The following NARS2 variants were observed in gnomAD, a reference collection of about 807,000 sequenced individuals.
NARS2 encodes the protein asparaginyl-tRNA synthetase.
NARS2 carries 60 observed loss-of-function variants against 62.9 expected under a neutral mutation model. That is an observed-to-expected ratio of 0.95 (90% CI 0.77 to 1.18). NARS2 has a LOEUF of 1.18. Among genes scored for constraint, NARS2 ranks in the 50% most tolerant of loss-of-function variants. The pLI is 0.00. For missense variants in NARS2, 619 were observed against 576.4 expected (o/e 1.07, Z -0.76); for synonymous variants, 196 against 200.0 (o/e 0.98, Z 0.17).
chr11:78,523,653 C>T (rs1202191683), intron 6 of NARS2, among the ~76,000 whole-genome samples: 4 of 152,206 alleles, frequency 2.6e-5, no homozygotes, highest in African/African-American at 9.7e-5. Flanking sequence ...AGTACTGATA[C>T]ATGCTGCAAG....
intron 6 of NARS2, among the ~76,000 whole-genome samples, chr11:78,508,081 A>G (rs192502100): frequency 6.6e-6 from 1 of 152,336 alleles, no homozygotes; most frequent in Non-Finnish European, 1.5e-5. Flanking sequence ...CTGCAGCTGA[A>G]AAGTATAATT....
At chr11:78,569,683 T>C (rs750639933) in intron 2 of NARS2, among the ~76,000 whole-genome samples, 3 of 152,222 alleles carry the variant, frequency 2.0e-5, no homozygotes, top group African/African-American at 4.8e-5. Flanking sequence ...AAATCTGGTA[T>C]ACTTTCATCA....
intron 1 of NARS2, 190 bp from the exon 2 acceptor site, chr11:78,571,634 TTCTA>T (rs910680349): frequency 5.6e-5 from 27 of 485,928 alleles, no homozygotes; most frequent in Non-Finnish European, 8.2e-5. Flanking sequence ...CACTTTGGTA[TTCTA>T]TCTTTTGTTT....
rs1356158641 is a variant in NARS2 at position 78,498,952 on chromosome 11, ACACGATCTCGGCTCACTGCAGTGG to A, written c.690-5781_690-5758del. On this transcript the variant is annotated intron_variant, in intron 6 of 13. Coordinates refer to ENST00000281038, the MANE Select transcript of NARS2 (RefSeq NM_024678.6). ...CTCGCTCTGTCACCCAGACTGGATG[ACACGATCTCGGCTCACTGCAGTGG>A]CACGATCTCGGCTCACTGCAAGCTC... 9.1e-3 allele frequency among the ~76,000 whole-genome samples: 72 copies of A among 7,950 alleles called. 1 individual carries two copies. The highest frequency in any genetic ancestry group is 7.8e-3 in the Non-Finnish European group (18 of 2,310). The allele number at this position is 7,950 out of a possible 152,430, so 5.2% of individuals were successfully genotyped here. A position where few individuals can be genotyped will look rare whatever the true frequency, so the allele number is the denominator to read the frequency against.
At chr11:78,450,666 CTTTTTTT>C (rs781420225) in intron 11 of NARS2, among the ~76,000 whole-genome samples, 6 of 101,568 alleles carry the variant, frequency 5.9e-5, no homozygotes, top group South Asian at 3.3e-4. Flanking sequence ...AAAGCCTTGT[CTTTTTTT>C]TTTTTTTTTT....
In NARS2 at chr11:78,502,991, C is replaced by CAAAAAAA. The variant is rs550751384; in HGVS notation, c.690-9803_690-9797dup. ...CCTGGGTAACAGAGTGAGACTGTCT[C>CAAAAAAA]AAAAAAAAAAAAAAAAAAAGGTTGA... is the stretch of plus-strand genomic sequence containing the variant. On this transcript the variant is annotated intron_variant, in intron 6 of 13. Coordinates refer to ENST00000281038, the MANE Select transcript of NARS2 (RefSeq NM_024678.6). Among the ~76,000 whole-genome samples, 127 of 82,942 alleles carry CAAAAAAA rather than the reference C, an allele frequency of 1.5e-3. 12 individuals are homozygous for CAAAAAAA. The highest frequency in any genetic ancestry group is 7.8e-3 in the African/African-American group (123 of 15,804). The allele number at this position is 82,942 out of a possible 152,430, so 54.4% of individuals were successfully genotyped here.
At chr11:78,462,766 G>A (rs1006402676) in intron 11 of NARS2, among the ~76,000 whole-genome samples, 4 of 152,036 alleles carry the variant, frequency 2.6e-5, no homozygotes, top group Non-Finnish European at 4.4e-5. Context: ...AGTAAACGGT[G>A]GCTAATACAG....
intron 6 of NARS2, among the ~76,000 whole-genome samples, chr11:78,508,929 A>G (rs7942371): frequency 0.71 from 107,378 of 151,714 alleles, 39,154 homozygotes; most frequent in Non-Finnish European, 0.81. Context: ...AGCCTGGCCA[A>G]CAGGACGACA....
chr11:78,546,431 C>G (rs1051787078), intron 5 of NARS2: 1 of 152,214 alleles, frequency 6.6e-6, no homozygotes, highest in Non-Finnish European at 1.5e-5. Context: ...AGATGTGGGA[C>G]TGGGAAGCAT....
chr11:78,452,993 A>G (rs1858027792), intron 11 of NARS2, among the ~76,000 whole-genome samples: 1 of 152,204 alleles, frequency 6.6e-6, no homozygotes, highest in Non-Finnish European at 1.5e-5. Flanking sequence ...ACCAGAACTA[A>G]ATCTATCATT....
chr11:78,544,018 C>CAAA (rs10688131), intron 5 of NARS2, among the ~76,000 whole-genome samples: 3,599 of 73,876 alleles, frequency 0.049, 520 homozygotes, highest in African/African-American at 0.17. Context: ...GACTCTGTCT[C>CAAA]AAAAAAAAAA....
chr11:78,561,305 G>A (rs1207916428), intron 4 of NARS2, among the ~76,000 whole-genome samples: 3 of 152,178 alleles, frequency 2.0e-5, no homozygotes, highest in Non-Finnish European at 2.9e-5. Flanking sequence ...GAAAGCGGGT[G>A]GGGGAGTAAA....
At chr11:78,528,793 C>G in intron 6 of NARS2, 49 bp downstream of exon 6, 1 of 1,292,826 alleles carries the variant, frequency 7.7e-7, no homozygotes, top group Non-Finnish European at 1.1e-6. Context: ...GAAGCACTCT[C>G]AACCAAACCA....
chr11:78,482,390 T>G (rs538945712), intron 7 of NARS2, among the ~76,000 whole-genome samples: 2 of 150,814 alleles, frequency 1.3e-5, no homozygotes, highest in East Asian at 2.0e-4. Context: ...AAGAAATAAC[T>G]AAGATCAGAG....
At chr11:78,523,725 G>A (rs942970640) in intron 6 of NARS2, among the ~76,000 whole-genome samples, 1 of 152,170 alleles carries the variant, frequency 6.6e-6, no homozygotes, top group Non-Finnish European at 1.5e-5. Flanking sequence ...ACAATTTACT[G>A]TGTGATTCTA....
At chr11:78,484,126 A>G (rs1859473066) in intron 7 of NARS2, among the ~76,000 whole-genome samples, 1 of 152,192 alleles carries the variant, frequency 6.6e-6, no homozygotes, top group Non-Finnish European at 1.5e-5. Flanking sequence ...CCTGACAAAA[A>G]CAAGAAATGG....
intron 6 of NARS2, among the ~76,000 whole-genome samples, chr11:78,498,949 AT>A (rs1246584650): frequency 0.77 from 101,183 of 131,344 alleles, 38,949 homozygotes; most frequent in Non-Finnish European, 0.82. Context: ...CCCAGACTGG[AT>A]GACACGATCT....
At chr11:78,547,198 G>A (rs1464685998) in intron 5 of NARS2, among the ~76,000 whole-genome samples, 3 of 152,018 alleles carry the variant, frequency 2.0e-5, no homozygotes, top group African/African-American at 7.3e-5. Flanking sequence ...AGGTGTGGTG[G>A]TGCACACCCA....
At chr11:78,561,595 T>G (rs1021333899) in intron 4 of NARS2, among the ~76,000 whole-genome samples, 1 of 152,228 alleles carries the variant, frequency 6.6e-6, no homozygotes, top group Non-Finnish European at 1.5e-5. Flanking sequence ...GTTCATACAT[T>G]ACGGCCCATA....
Sources: allele counts gnomAD v4.1 joint callset (sites outside exome capture counted in the v4.1 genomes callset), GRCh38; gene constraint gnomAD v4.1.1; transcripts MANE v1.5; gene names NCBI Gene and HGNC (gene_info 2026-07-23, HGNC 2026-07-21).